Variants in PRKN observed in about 807,000 individuals in gnomAD.
The protein encoded by PRKN is parkin RBR E3 ubiquitin protein ligase, also known as E3 ubiquitin-protein ligase parkin.
Under a neutral mutation model 59.5 loss-of-function variants are expected in PRKN, and 56 were observed. The observed-to-expected ratio is 0.94, with a 90% CI of 0.76 to 1.18. The LOEUF (loss-of-function observed/expected upper bound fraction) is 1.18, where lower values mean the gene tolerates loss of function less well. Among genes scored for constraint, PRKN ranks in the 50% most tolerant of loss-of-function variants. The pLI is 0.00. For missense variants in PRKN, 657 were observed against 596.4 expected (o/e 1.10, Z -1.06); for synonymous variants, 250 against 222.1 (o/e 1.13, Z -1.12).
intron 2 of PRKN, among the ~76,000 whole-genome samples, chr6:162,269,831 C>G (rs1434512402): frequency 2.0e-5 from 3 of 152,148 alleles, no homozygotes; most frequent in African/African-American, 7.2e-5. Context: ...TACCATCTTA[C>G]TCCTGCAAGA....
intron 9 of PRKN, among the ~76,000 whole-genome samples, chr6:161,416,692 C>G (rs2115018352): frequency 6.6e-6 from 1 of 152,256 alleles, no homozygotes; most frequent in Non-Finnish European, 1.5e-5. Context: ...AGGCAAGCTA[C>G]CAGCTTTTAA....
chr6:162,590,908 C>A (rs1021590905), intron 1 of PRKN, among the ~76,000 whole-genome samples: 1 of 152,098 alleles, frequency 6.6e-6, no homozygotes, highest in Non-Finnish European at 1.5e-5. Context: ...CACAGACTAT[C>A]CTCTCCAGGC....
chr6:161,380,447 T>TTTTTG (rs1031272485), intron 10 of PRKN, among the ~76,000 whole-genome samples: 6 of 150,266 alleles, frequency 4.0e-5, no homozygotes, highest in Non-Finnish European at 8.9e-5. Context: ...TTTTTTTTTT[T>TTTTTG]TGGAGACAGA....
At chr6:161,880,034 T>C (rs1012470087) in intron 6 of PRKN, among the ~76,000 whole-genome samples, 1 of 152,194 alleles carries the variant, frequency 6.6e-6, no homozygotes, top group Non-Finnish European at 1.5e-5. Context: ...TGATACTATG[T>C]GAAATATAAA....
intron 6 of PRKN, among the ~76,000 whole-genome samples, chr6:161,869,882 C>G (rs1794275402): frequency 6.6e-6 from 1 of 151,550 alleles, no homozygotes; most frequent in Non-Finnish European, 1.5e-5. Flanking sequence ...CCAGGACAAA[C>G]TAGCTACATG....
At chr6:162,073,150 T>C (rs1241622276) in intron 4 of PRKN, among the ~76,000 whole-genome samples, 2 of 152,186 alleles carry the variant, frequency 1.3e-5, no homozygotes, top group Non-Finnish European at 1.5e-5. Context: ...CAGATAGTAG[T>C]AAATGAATGA....
At chr6:162,613,845 A>G (rs2803052) in intron 1 of PRKN, among the ~76,000 whole-genome samples, 122,944 of 151,986 alleles carry the variant, frequency 0.81, 49,930 homozygotes, top group East Asian at 0.95. Context: ...TATAACTAAT[A>G]CAGTCATTAT....
chr6:162,299,257 C>T (rs185572592), intron 2 of PRKN, among the ~76,000 whole-genome samples: 28 of 152,212 alleles, frequency 1.8e-4, no homozygotes, highest in South Asian at 1.2e-3. Context: ...TGTGAGCTCC[C>T]GACTTAGATT....
intron 6 of PRKN, among the ~76,000 whole-genome samples, chr6:161,801,676 C>A (rs538321892): frequency 2.8e-4 from 43 of 152,234 alleles, no homozygotes; most frequent in Admixed American, 1.7e-3. Flanking sequence ...TTAGATCAGC[C>A]GGTTTTAACC....
chr6:161,924,428 G>A lies in PRKN; in HGVS notation c.734+48874C>T, dbSNP rs1778895280. Among the ~76,000 whole-genome samples the A allele has an allele frequency of 2.0e-5, 3 of 152,238 alleles. No homozygotes were observed. The South Asian group carries it at 6.2e-4, about 32-fold the overall frequency. ...TTGCGTTTAATGTCTTTTCCACAGTGACTAAGTCTGACTTGGTCAATTTTG... is the reference window on the plus strand; with the variant it reads ...TTGCGTTTAATGTCTTTTCCACAGTAACTAAGTCTGACTTGGTCAATTTTG... On this transcript the variant is annotated intron_variant, in intron 6 of 11. Transcript: ENST00000366898.
intron 7 of PRKN, among the ~76,000 whole-genome samples, chr6:161,759,390 G>A (rs1211472304): frequency 6.6e-6 from 1 of 151,962 alleles, no homozygotes; most frequent in East Asian, 1.9e-4. Flanking sequence ...TAAATTTAAA[G>A]GTGTTTTTCT....
intron 7 of PRKN, among the ~76,000 whole-genome samples, chr6:161,642,269 C>G (rs1243739735): frequency 1.3e-5 from 2 of 152,068 alleles, no homozygotes; most frequent in African/African-American, 2.4e-5. Flanking sequence ...ATAAAGTCAT[C>G]AAATTAAAAA....
chr6:161,647,382 G>A (rs1489774445), intron 7 of PRKN, among the ~76,000 whole-genome samples: 1 of 152,192 alleles, frequency 6.6e-6, no homozygotes, highest in Non-Finnish European at 1.5e-5. Flanking sequence ...CCCTGCAGTG[G>A]CTTCTTCAGT....
intron 1 of PRKN, among the ~76,000 whole-genome samples, chr6:162,480,043 T>C (rs1792223120): frequency 6.7e-6 from 1 of 148,926 alleles, no homozygotes; most frequent in Admixed American, 6.8e-5. Flanking sequence ...CCAGCCTGGG[T>C]GAGAGAGCAA....
At chr6:161,988,728 T>G (rs552985798) in intron 5 of PRKN, among the ~76,000 whole-genome samples, 23 of 152,048 alleles carry the variant, frequency 1.5e-4, no homozygotes, top group African/African-American at 5.5e-4. Flanking sequence ...AATATATAAA[T>G]CATAAACACA....
At position 162,225,870 on chromosome 6, in the gene PRKN, C is replaced by T. The variant is rs1778146153; in HGVS notation, c.413-24618G>A. ...AACTGCTGGCTACAGAAAATGACTGCTGTTAATGTAGGGCTGTATATATAT... is the reference window on the plus strand; with the variant it reads ...AACTGCTGGCTACAGAAAATGACTGTTGTTAATGTAGGGCTGTATATATAT... On this transcript the variant is annotated intron_variant, in intron 3 of 11. Coordinates refer to ENST00000366898, the MANE Select transcript of PRKN (RefSeq NM_004562.3). Among the ~76,000 whole-genome samples, 3 of 144,596 alleles carry T rather than the reference C, an allele frequency of 2.1e-5. No individual in the cohort carries two copies. The Admixed American group carries it at 2.1e-4, about 10-fold the overall frequency. The allele number at this position is 144,596 out of a possible 152,430, so 94.9% of individuals were successfully genotyped here.
At chr6:161,815,728 G>A (rs137984682) in intron 6 of PRKN, among the ~76,000 whole-genome samples, 22 of 152,260 alleles carry the variant, frequency 1.4e-4, no homozygotes, top group Non-Finnish European at 1.9e-4. Flanking sequence ...AGACCCCAGC[G>A]GGAGCTCAGC....
At chr6:162,552,363 C>T (rs775810290) in intron 1 of PRKN, among the ~76,000 whole-genome samples, 3 of 151,920 alleles carry the variant, frequency 2.0e-5, no homozygotes, top group African/African-American at 4.8e-5. Flanking sequence ...ACTGTATGAG[C>T]GGGTGGCGAG....
At chr6:162,053,996 C>A in intron 5 of PRKN, 95 bp downstream of exon 5, 1 of 864,824 alleles carries the variant, frequency 1.2e-6, no homozygotes, top group Non-Finnish European at 2.0e-6. Flanking sequence ...GATGGAAGAA[C>A]AGTCAGTTGA....
Sources: gnomAD v4.1 joint callset for allele counts (sites outside exome capture counted in the v4.1 genomes callset) on GRCh38, gnomAD v4.1.1 for gene constraint, MANE v1.5 for transcripts, NCBI Gene and HGNC (gene_info 2026-07-23, HGNC 2026-07-21) for gene names.